Variants in THEMIS observed in about 807,000 individuals in gnomAD.
THEMIS encodes thymocyte selection associated.
A neutral mutation model predicts 52.6 loss-of-function variants in THEMIS; 37 were observed. The observed-to-expected ratio is 0.70, with a 90% CI of 0.54 to 0.93. The LOEUF (loss-of-function observed/expected upper bound fraction) is 0.93. Ranked by LOEUF, THEMIS falls within the 40% of genes least tolerant of loss-of-function variation. The pLI is 0.00. For missense variants in THEMIS, 808 were observed against 763.1 expected, an observed-to-expected ratio of 1.06 and a Z score of -0.69; for synonymous variants, 292 against 272.7, an observed-to-expected ratio of 1.07 and a Z score of -0.70.
At chr6:127,825,482 A>G (rs990341700) in intron 3 of THEMIS, among the ~76,000 whole-genome samples, 3 of 152,186 alleles carry the variant, frequency 2.0e-5, no homozygotes, top group African/African-American at 7.2e-5. Flanking sequence ...TATCAATCTT[A>G]TATGTGTATA....
intron 4 of THEMIS, among the ~76,000 whole-genome samples, chr6:127,768,732 A>G (rs1776277851): frequency 1.3e-5 from 2 of 152,224 alleles, no homozygotes; most frequent in South Asian, 4.1e-4. Context: ...AAAAATTAAA[A>G]TGTTTGTAAA....
chr6:127,766,062 A>C (rs1420572347), intron 4 of THEMIS, among the ~76,000 whole-genome samples: 1 of 152,130 alleles, frequency 6.6e-6, no homozygotes, highest in Non-Finnish European at 1.5e-5. Context: ...TTAGCACCCC[A>C]AATTCAAAGC....
intron 1 of THEMIS, among the ~76,000 whole-genome samples, chr6:127,887,137 T>C (rs1780670896): frequency 6.6e-6 from 1 of 151,958 alleles, no homozygotes; most frequent in Non-Finnish European, 1.5e-5. Flanking sequence ...TCTAATATAT[T>C]TGCAAATCAA....
intron 3 of THEMIS, among the ~76,000 whole-genome samples, chr6:127,817,821 G>C (rs1199408669): frequency 6.6e-6 from 1 of 152,106 alleles, no homozygotes; most frequent in Admixed American, 6.5e-5. Flanking sequence ...AAACTCCTAG[G>C]GTTGGGGAGT....
intron 3 of THEMIS, 55 bp downstream of exon 3, chr6:127,829,421 T>A: frequency 6.9e-7 from 1 of 1,441,248 alleles, no homozygotes; most frequent in Non-Finnish European, 9.4e-7. Flanking sequence ...AATCTTTCTT[T>A]CCCAAACCCC....
At chr6:127,905,795 T>C (rs1781253829), upstream of THEMIS, among the ~76,000 whole-genome samples, 1 of 151,282 alleles carries the variant, frequency 6.6e-6, no homozygotes, top group Non-Finnish European at 1.5e-5. Flanking sequence ...AAAACACATG[T>C]AATTTCTAGG....
At chr6:127,842,541 G>A (rs12193776) in intron 2 of THEMIS, among the ~76,000 whole-genome samples, 2 of 151,584 alleles carry the variant, frequency 1.3e-5, no homozygotes, top group South Asian at 2.1e-4. Context: ...TAAGTCTTAC[G>A]GCTTAAGGGA....
intron 4 of THEMIS, among the ~76,000 whole-genome samples, chr6:127,792,940 T>G (rs967242817): frequency 5.3e-5 from 8 of 152,196 alleles, no homozygotes; most frequent in Non-Finnish European, 1.0e-4. Flanking sequence ...TCTTGTGCTT[T>G]TAGCTAAATG....
intron 2 of THEMIS, among the ~76,000 whole-genome samples, chr6:127,852,079 A>G (rs570512347): frequency 1.3e-5 from 2 of 151,760 alleles, no homozygotes; most frequent in East Asian, 3.9e-4. Flanking sequence ...TAACTGAAAG[A>G]AAACTGGAGT....
intron 1 of THEMIS, among the ~76,000 whole-genome samples, chr6:127,886,280 T>C (rs2114451165): frequency 6.6e-6 from 1 of 152,038 alleles, no homozygotes; most frequent in East Asian, 1.9e-4. Flanking sequence ...ATTAGTTGGA[T>C]TTACAAATCA....
chr6:127,756,026 CA>C (rs57815653), intron 4 of THEMIS, among the ~76,000 whole-genome samples: 4 of 147,448 alleles, frequency 2.7e-5, no homozygotes, highest in Non-Finnish European at 6.0e-5. Context: ...GACTCCATCT[CA>C]AAAAAAAACA....
intron 4 of THEMIS, among the ~76,000 whole-genome samples, chr6:127,758,421 A>T (rs993887513): frequency 3.4e-5 from 5 of 147,860 alleles, no homozygotes; most frequent in Admixed American, 1.4e-4. Context: ...TAATAAATAT[A>T]TATTATATAT....
intron 1 of THEMIS, among the ~76,000 whole-genome samples, chr6:127,862,048 T>G (rs934922221): frequency 6.6e-6 from 1 of 152,046 alleles, no homozygotes; most frequent in African/African-American, 2.4e-5. Context: ...CAGAAGGAAT[T>G]AAGTGCAAAC....
intron 2 of THEMIS, among the ~76,000 whole-genome samples, chr6:127,842,570 G>C (rs1779084464): frequency 6.6e-6 from 1 of 151,914 alleles, no homozygotes; most frequent in Non-Finnish European, 1.5e-5. Flanking sequence ...TGTTGGAAGA[G>C]AATTCTCCGT....
chr6:127,745,390 A>G (rs1775352969), intron 4 of THEMIS, among the ~76,000 whole-genome samples: 1 of 151,938 alleles, frequency 6.6e-6, no homozygotes, highest in Non-Finnish European at 1.5e-5. Context: ...TTCATAAGGT[A>G]GATACTTAAA....
intron 1 of THEMIS, among the ~76,000 whole-genome samples, chr6:127,907,410 TG>T (rs1781303300): frequency 7.2e-6 from 1 of 138,692 alleles, no homozygotes; most frequent in Admixed American, 8.0e-5. Flanking sequence ...GTGTGACACC[TG>T]GCAGCTCAAG....
chr6:127,711,023 T>A (rs186885203), intron 5 of THEMIS, among the ~76,000 whole-genome samples: 2 of 149,618 alleles, frequency 1.3e-5, no homozygotes, highest in East Asian at 4.0e-4. Context: ...CCATTTGTTT[T>A]CCTTCCCTTC....
chr6:127,881,471 G>C (rs2114429998), intron 1 of THEMIS, among the ~76,000 whole-genome samples: 1 of 152,078 alleles, frequency 6.6e-6, no homozygotes, highest in Non-Finnish European at 1.5e-5. Flanking sequence ...ACATTTGCCA[G>C]TACTCCATTT....
intron 4 of THEMIS, among the ~76,000 whole-genome samples, chr6:127,787,880 T>TAGATATATAGATATAG (rs200767496): frequency 2.5e-5 from 3 of 119,908 alleles, no homozygotes; most frequent in Admixed American, 8.3e-5. Context: ...GATAGATAGA[T>TAGATATATAGATATAG]ATAGATAGAT....
Sources: allele counts gnomAD v4.1 joint callset (sites outside exome capture counted in the v4.1 genomes callset), GRCh38; gene constraint gnomAD v4.1.1; transcripts MANE v1.5; gene names NCBI Gene and HGNC (gene_info 2026-07-23, HGNC 2026-07-21).